MALRD1: variants seen among roughly 807,000 people sequenced by gnomAD.
The protein encoded by MALRD1 is MAM and LDL receptor class A domain containing 1, also known as MAM and LDL-receptor class A domain-containing protein 1.
MALRD1 carries 247 observed loss-of-function variants against 242.1 expected under a neutral mutation model. The ratio of observed to expected loss-of-function variants is 1.02; its 90% CI spans 0.92 to 1.13. The LOEUF (loss-of-function observed/expected upper bound fraction) is 1.13, where lower values mean the gene tolerates loss of function less well. Ranked by LOEUF, MALRD1 falls within the 50% of genes most tolerant of loss-of-function variation. The pLI is 0.00. For missense variants in MALRD1, 2,989 were observed against 2,533.1 expected (o/e 1.18, Z -3.86); for synonymous variants, 995 against 866.6 (o/e 1.15, Z -2.60).
In MALRD1 at chr10:19,282,110, T is replaced by C. The variant is rs530354723; in HGVS notation, c.3257-909T>C. Reference sequence around the variant, plus strand: ...CCTATTCATCTTGCTTGACATGTTATATTTTCCGATAGTTCTATTAAAAGC... The same window carrying C: ...CCTATTCATCTTGCTTGACATGTTACATTTTCCGATAGTTCTATTAAAAGC... On this transcript the variant is annotated intron_variant, in intron 20 of 39. Transcript: ENST00000454679. Among the ~76,000 whole-genome samples the C allele has an allele frequency of 2.4e-3, 365 of 152,264 alleles. 2 individuals carry two copies. Among genetic ancestry groups the C allele is most frequent in the African/African-American group, 8.2e-3 (341 of 41,558 alleles).
chr10:19,191,652 A>G (rs1228386636), intron 14 of MALRD1, among the ~76,000 whole-genome samples: 1 of 152,172 alleles, frequency 6.6e-6, no homozygotes, highest in Non-Finnish European at 1.5e-5. Flanking sequence ...ATGGAATGTT[A>G]TTTAGTCATA....
At chr10:19,202,559 C>T (rs1236972539) in intron 14 of MALRD1, among the ~76,000 whole-genome samples, 1 of 152,052 alleles carries the variant, frequency 6.6e-6, no homozygotes, top group Non-Finnish European at 1.5e-5. Flanking sequence ...TTTGTAATCT[C>T]ATTTAGTGAT....
intron 18 of MALRD1, among the ~76,000 whole-genome samples, chr10:19,254,046 A>G (rs1047939690): frequency 6.6e-6 from 1 of 151,972 alleles, no homozygotes; most frequent in Non-Finnish European, 1.5e-5. Context: ...TTCTGCCACA[A>G]TTGTAAGTTT....
intron 25 of MALRD1, among the ~76,000 whole-genome samples, chr10:19,349,522 G>A (rs914654188): frequency 9.2e-5 from 14 of 152,202 alleles, no homozygotes; most frequent in Non-Finnish European, 1.8e-4. Context: ...TTCAGTGACA[G>A]AACTTGGTCA....
chr10:19,691,827 A>G (rs1161810052), intron 36 of MALRD1, among the ~76,000 whole-genome samples: 1 of 152,128 alleles, frequency 6.6e-6, no homozygotes, highest in Non-Finnish European at 1.5e-5. Context: ...TCCCTTTGTA[A>G]TGAGAAATAA....
chr10:19,454,722 A>ACACACACG (rs1181558393), intron 29 of MALRD1, among the ~76,000 whole-genome samples: 15 of 120,656 alleles, frequency 1.2e-4, no homozygotes, highest in African/African-American at 2.9e-4. Context: ...GTACACACAC[A>ACACACACG]CACACACACA....
At chr10:19,243,890 G>C (rs1838921777) in intron 18 of MALRD1, among the ~76,000 whole-genome samples, 1 of 152,022 alleles carries the variant, frequency 6.6e-6, no homozygotes, top group South Asian at 2.1e-4. Context: ...AATATGTTGA[G>C]ACATAGGCCA....
intron 28 of MALRD1, among the ~76,000 whole-genome samples, chr10:19,408,404 A>G (rs12771746): frequency 1.3e-5 from 2 of 152,196 alleles, no homozygotes; most frequent in African/African-American, 2.4e-5. Flanking sequence ...GTTTCTCTTC[A>G]TAAGCACATT....
chr10:19,496,631 A>C (rs1029973524), intron 30 of MALRD1, among the ~76,000 whole-genome samples: 1 of 152,148 alleles, frequency 6.6e-6, no homozygotes, highest in African/African-American at 2.4e-5. Context: ...AACAACCTCA[A>C]ATAATCTCAA....
intron 33 of MALRD1, among the ~76,000 whole-genome samples, chr10:19,586,485 G>T (rs531294285): frequency 3.3e-5 from 5 of 152,140 alleles, no homozygotes; most frequent in African/African-American, 7.2e-5. Flanking sequence ...GTACCCGGCC[G>T]TGTGAGGTGT....
chr10:19,402,895 C>T (rs1215439206), intron 28 of MALRD1, among the ~76,000 whole-genome samples: 1 of 152,128 alleles, frequency 6.6e-6, no homozygotes, highest in African/African-American at 2.4e-5. Flanking sequence ...TGAATATTTT[C>T]CCTTCTGCGT....
chr10:19,200,421 A>T (rs115365638), intron 14 of MALRD1, among the ~76,000 whole-genome samples: 1 of 152,128 alleles, frequency 6.6e-6, no homozygotes, highest in Non-Finnish European at 1.5e-5. Context: ...GTTCAACCAC[A>T]TGATGCGTTA....
intron 33 of MALRD1, among the ~76,000 whole-genome samples, chr10:19,572,683 T>C (rs553330342): frequency 3.3e-5 from 5 of 152,262 alleles, no homozygotes; most frequent in African/African-American, 1.2e-4. Context: ...AAGATGTAAA[T>C]TAACGGCATT....
intron 28 of MALRD1, among the ~76,000 whole-genome samples, chr10:19,389,936 A>G (rs1328200751): frequency 1.3e-5 from 2 of 152,176 alleles, no homozygotes; most frequent in Non-Finnish European, 2.9e-5. Flanking sequence ...TGCTGGGACT[A>G]CATGCATGAG....
rs147303356 is a variant in MALRD1 at position 19,310,747 on chromosome 10, C to T, written c.3420-13202C>T. Among the ~76,000 whole-genome samples the T allele has an allele frequency of 1.5e-4, 23 of 151,504 alleles. No homozygotes were observed. The East Asian group carries it at 4.5e-3, about 30-fold the overall frequency. The stretch of plus-strand genomic sequence containing the variant: ...ATGACTCTATTTTGTGCCACTGTGC[C>T]TTCTTTAAACGATCTCGTAATCATC... On this transcript the variant is annotated intron_variant, in intron 21 of 39. Transcript: ENST00000454679.
intron 33 of MALRD1, among the ~76,000 whole-genome samples, chr10:19,586,841 A>G (rs1306979349): frequency 1.3e-5 from 2 of 152,302 alleles, no homozygotes; most frequent in Middle Eastern, 3.4e-3. Context: ...GCCGCCTTGC[A>G]GTTTGATCTC....
chr10:19,673,372 G>A (rs1005045584), intron 36 of MALRD1, among the ~76,000 whole-genome samples: 14 of 152,164 alleles, frequency 9.2e-5, no homozygotes, highest in Non-Finnish European at 1.6e-4. Context: ...GGGTGACAGA[G>A]TGGGACTCCG....
chr10:19,672,099 T>C (rs955832152), intron 36 of MALRD1, among the ~76,000 whole-genome samples: 28 of 152,270 alleles, frequency 1.8e-4, no homozygotes, highest in Middle Eastern at 6.8e-3. Context: ...CATGCCACCC[T>C]ATTCTTATTC....
intron 28 of MALRD1, among the ~76,000 whole-genome samples, chr10:19,398,937 A>G (rs1846705641): frequency 6.6e-6 from 1 of 152,254 alleles, no homozygotes; most frequent in Non-Finnish European, 1.5e-5. Context: ...ACTAGACATC[A>G]GGCCTGCAGC....
Sources: gnomAD v4.1 joint callset for allele counts (sites outside exome capture counted in the v4.1 genomes callset) on GRCh38, gnomAD v4.1.1 for gene constraint, MANE v1.5 for transcripts, NCBI Gene and HGNC (gene_info 2026-07-23, HGNC 2026-07-21) for gene names.